ZNF521: variants seen among roughly 807,000 people sequenced by gnomAD.
The protein encoded by ZNF521 is LYST-interacting protein 3.
Under a neutral mutation model 105.5 loss-of-function variants are expected in ZNF521, and 14 were observed. The observed-to-expected ratio is 0.13, with a 90% CI of 0.09 to 0.21. The LOEUF (loss-of-function observed/expected upper bound fraction) is 0.21. Ranked by LOEUF, ZNF521 falls within the 10% of genes least tolerant of loss-of-function variation. The pLI is 1.00. For missense variants in ZNF521, 1,233 were observed against 1,629.7 expected (o/e 0.76, Z 4.19); for synonymous variants, 635 against 606.0 (o/e 1.05, Z -0.70).
chr18:25,143,295 T>G (rs2034884618), intron 5 of ZNF521, among the ~76,000 whole-genome samples: 1 of 152,156 alleles, frequency 6.6e-6, no homozygotes, highest in Admixed American at 6.6e-5. Context: ...AAACAGAAAT[T>G]TATTATCATG....
chr18:25,176,107 T>C (rs1029636896), intron 5 of ZNF521, among the ~76,000 whole-genome samples: 7 of 152,250 alleles, frequency 4.6e-5, no homozygotes, highest in African/African-American at 1.4e-4. Context: ...CTTTCCATTA[T>C]ATACAGGCAT....
chr18:25,264,895 C>G (rs771475207), intron 3 of ZNF521, among the ~76,000 whole-genome samples: 2 of 151,794 alleles, frequency 1.3e-5, no homozygotes, highest in Non-Finnish European at 2.9e-5. Context: ...GAAAAGAATA[C>G]AGAGAGAGAA....
At chr18:25,094,487 ATCTTT>A (rs1567958973) in intron 5 of ZNF521, among the ~76,000 whole-genome samples, 1 of 152,128 alleles carries the variant, frequency 6.6e-6, no homozygotes, top group East Asian at 1.9e-4. Context: ...TACATATTCT[ATCTTT>A]TATTTGTGAA....
At chr18:25,288,572 T>TA (rs151130883) in intron 3 of ZNF521, among the ~76,000 whole-genome samples, 1,088 of 106,778 alleles carry the variant, frequency 0.01, 7 homozygotes, top group African/African-American at 0.024. Flanking sequence ...TTATAACACT[T>TA]AAAAAAAAAA....
At chr18:25,309,358 C>G (rs951133025) in intron 3 of ZNF521, among the ~76,000 whole-genome samples, 14 of 152,038 alleles carry the variant, frequency 9.2e-5, no homozygotes, top group African/African-American at 3.4e-4. Context: ...GGTGGAAAAA[C>G]AAAAGAAATG....
At chr18:25,208,272 T>G (rs930725649) in intron 4 of ZNF521, among the ~76,000 whole-genome samples, 5 of 152,212 alleles carry the variant, frequency 3.3e-5, no homozygotes, top group African/African-American at 1.2e-4. Flanking sequence ...ATGTTTGCCT[T>G]TTGTGCCCAA....
chr18:25,167,380 A>G (rs60830782), intron 5 of ZNF521, among the ~76,000 whole-genome samples: 17,999 of 152,266 alleles, frequency 0.12, 1,182 homozygotes, highest in Middle Eastern at 0.17. Flanking sequence ...CAGTATTAAT[A>G]CTAATTCTAA....
intron 5 of ZNF521, among the ~76,000 whole-genome samples, chr18:25,092,938 C>T (rs1475789130): frequency 6.6e-6 from 1 of 151,836 alleles, no homozygotes; most frequent in Non-Finnish European, 1.5e-5. Context: ...AAGGATTATC[C>T]TAACTTATTT....
At chr18:25,104,339 T>C (rs1431148623) in intron 5 of ZNF521, among the ~76,000 whole-genome samples, 4 of 152,184 alleles carry the variant, frequency 2.6e-5, no homozygotes, top group Admixed American at 2.6e-4. Context: ...CTTAAAACAT[T>C]TTATATATTT....
At chr18:25,262,569 A>T (rs1031132702) in intron 3 of ZNF521, among the ~76,000 whole-genome samples, 3 of 152,360 alleles carry the variant, frequency 2.0e-5, no homozygotes, top group Admixed American at 6.5e-5. Context: ...ATCTACTATG[A>T]TCAGAGAAAA....
At chr18:25,073,734 G>C (rs1051109451) in intron 7 of ZNF521, among the ~76,000 whole-genome samples, 13 of 152,102 alleles carry the variant, frequency 8.5e-5, no homozygotes, top group African/African-American at 3.1e-4. Flanking sequence ...ATAGTTTATT[G>C]AACTTGGGCA....
At chr18:25,083,362 A>G (rs528162961) in intron 7 of ZNF521, among the ~76,000 whole-genome samples, 32 of 152,368 alleles carry the variant, frequency 2.1e-4, no homozygotes, top group African/African-American at 7.5e-4. Flanking sequence ...CAGAGAACTC[A>G]GGAAAGTTCT....
chr18:25,114,796 A>C (rs2034271236), intron 5 of ZNF521, among the ~76,000 whole-genome samples: 1 of 152,190 alleles, frequency 6.6e-6, no homozygotes, highest in South Asian at 2.1e-4. Flanking sequence ...GCTAAGGATA[A>C]ATTTAGTCTT....
chr18:25,091,917 C>G, intron 6 of ZNF521, 33 bp downstream of exon 6: 1 of 1,609,946 alleles, frequency 6.2e-7, no homozygotes, highest in Non-Finnish European at 8.5e-7. Flanking sequence ...GGCCATCAGC[C>G]TCTCCTGTGT....
At chr18:25,224,299 G>A (rs761905951) in intron 4 of ZNF521, 46 bp downstream of exon 4, 29 of 1,513,198 alleles carry the variant, frequency 1.9e-5, no homozygotes, top group Middle Eastern at 1.9e-4. Flanking sequence ...AGCAGGGACC[G>A]TTTCTTGAGG....
In ZNF521 at chr18:25,078,605, G is replaced by A. The variant is rs148459188; in HGVS notation, c.3906+10860C>T. On this transcript the variant is annotated intron_variant, in intron 7 of 7. Coordinates refer to ENST00000361524, the MANE Select transcript of ZNF521 (RefSeq NM_015461.3). Reference sequence around the variant, plus strand: ...CCCCTTTGGAATAAGTGGAGTCTAAGGCATAAAAAGGCCATTTCTGCAGCT... The same window carrying A: ...CCCCTTTGGAATAAGTGGAGTCTAAAGCATAAAAAGGCCATTTCTGCAGCT... Among the ~76,000 whole-genome samples, 30 of 152,274 alleles carry A rather than the reference G, an allele frequency of 2.0e-4. No individual in the cohort carries two copies. In the East Asian group the frequency reaches 3.9e-3, roughly 20 times the overall value.
At chr18:25,329,862 G>C (rs1047646990) in intron 2 of ZNF521, among the ~76,000 whole-genome samples, 1 of 152,042 alleles carries the variant, frequency 6.6e-6, no homozygotes, top group East Asian at 1.9e-4. Context: ...GAGGCTACAG[G>C]GTAAACCAGG....
Position 25,350,900 on chromosome 18 carries a change from T to C in ZNF521, c.40+7A>G. Reference sequence around the variant, plus strand: ...GGGAAAGCGGGGAGCAGGGGGTTCCTCCTTACCTTTGAGGGATCTCGGTTT... The same window carrying C: ...GGGAAAGCGGGGAGCAGGGGGTTCCCCCTTACCTTTGAGGGATCTCGGTTT... On this transcript the variant is annotated splice_region_variant and intron_variant, in intron 2 of 7. Coordinates refer to ENST00000361524, the MANE Select transcript of ZNF521 (RefSeq NM_015461.3). 1.9e-6 allele frequency: 3 copies of C among 1,550,186 alleles called. No homozygotes were observed. Among genetic ancestry groups the C allele is most frequent in the African/African-American group, 1.4e-5 (1 of 72,912 alleles).
At chr18:25,324,868 C>A in intron 2 of ZNF521, among the ~76,000 whole-genome samples, 1 of 152,128 alleles carries the variant, frequency 6.6e-6, no homozygotes, top group Non-Finnish European at 1.5e-5. Flanking sequence ...GCTGAAGAAC[C>A]GACCCCAGTC....
Sources: gnomAD v4.1 joint callset for allele counts (sites outside exome capture counted in the v4.1 genomes callset) on GRCh38, gnomAD v4.1.1 for gene constraint, MANE v1.5 for transcripts, NCBI Gene and HGNC (gene_info 2026-07-23, HGNC 2026-07-21) for gene names.